NCAM2: variants seen among roughly 807,000 people sequenced by gnomAD.
NCAM2 encodes N-CAM-2.
Under a neutral mutation model 98.1 loss-of-function variants are expected in NCAM2, and 30 were observed. That is an observed-to-expected ratio of 0.31 (90% CI 0.23 to 0.41). The LOEUF is 0.41. Ranked by LOEUF, NCAM2 falls within the 10% of genes least tolerant of loss-of-function variation. The probability of loss-of-function intolerance (pLI) is 1.00; values close to 1 mark genes in which losing one functional copy is unlikely to be tolerated. For missense variants in NCAM2, 867 were observed against 1,005.8 expected (o/e 0.86, Z 1.87); for synonymous variants, 368 against 342.4 (o/e 1.07, Z -0.83).
chr21:21,127,581 A>G (rs995722356), intron 1 of NCAM2, among the ~76,000 whole-genome samples: 2 of 152,002 alleles, frequency 1.3e-5, no homozygotes, highest in Admixed American at 6.6e-5. Flanking sequence ...TAATATTTTT[A>G]TACTCATTAA....
intron 6 of NCAM2, 140 bp from the exon 7 acceptor site, chr21:21,335,365 T>C (rs1470116097): frequency 1.9e-6 from 1 of 537,092 alleles, no homozygotes; most frequent in African/African-American, 2.0e-5. Context: ...ACTAAAAATA[T>C]ACTTTTGATT....
At chr21:21,216,377 A>AT (rs1483671216) in intron 1 of NCAM2, among the ~76,000 whole-genome samples, 8 of 152,162 alleles carry the variant, frequency 5.3e-5, no homozygotes, top group Admixed American at 2.0e-4. Flanking sequence ...AATTAATCAC[A>AT]TTTTTTCTTC....
At chr21:21,330,373 C>T (rs1275089951) in intron 6 of NCAM2, among the ~76,000 whole-genome samples, 1 of 151,874 alleles carries the variant, frequency 6.6e-6, no homozygotes, top group Admixed American at 6.6e-5. Flanking sequence ...TTTTAATTCT[C>T]ATGTTATTTT....
intron 9 of NCAM2, among the ~76,000 whole-genome samples, chr21:21,405,984 CTT>C (rs1174559652): frequency 6.6e-6 from 1 of 152,152 alleles, no homozygotes; most frequent in Non-Finnish European, 1.5e-5. Context: ...CCCACTATCT[CTT>C]ATTACTGATG....
chr21:21,135,658 A>G (rs1188038225), intron 1 of NCAM2, among the ~76,000 whole-genome samples: 4 of 152,080 alleles, frequency 2.6e-5, no homozygotes, highest in African/African-American at 7.2e-5. Flanking sequence ...TACTCTCACT[A>G]TCTCCACTAT....
At chr21:21,199,226 A>G (rs374751166) in intron 1 of NCAM2, among the ~76,000 whole-genome samples, 1 of 152,172 alleles carries the variant, frequency 6.6e-6, no homozygotes, top group South Asian at 2.1e-4. Context: ...TCATTGCAAA[A>G]TGTTTCCAAT....
intron 1 of NCAM2, among the ~76,000 whole-genome samples, chr21:21,207,987 CTG>C (rs1368042983): frequency 4.6e-5 from 7 of 152,104 alleles, no homozygotes; most frequent in African/African-American, 1.4e-4. Flanking sequence ...ACAGGTATGA[CTG>C]TCATTCTTCC....
chr21:21,286,206 A>T, intron 3 of NCAM2, 63 bp from the exon 4 acceptor site: 2 of 1,466,822 alleles, frequency 1.4e-6, no homozygotes. Context: ...TGTTATTGGG[A>T]GAAATAAGCA....
At chr21:21,373,049 G>C (rs1358916610) in intron 8 of NCAM2, among the ~76,000 whole-genome samples, 1 of 151,708 alleles carries the variant, frequency 6.6e-6, no homozygotes, top group Admixed American at 6.6e-5. Flanking sequence ...TTAAGTACAA[G>C]TGCTTAACTC....
Position 21,477,225 on chromosome 21 carries a change from T to A in NCAM2, c.1897-66T>A, listed in dbSNP as rs1270515544. On this transcript the variant is annotated intron_variant, in intron 14 of 17. Coordinates refer to ENST00000400546, the MANE Select transcript of NCAM2 (RefSeq NM_004540.5). ...GTATATTGTTCCAATTCCAATATAA[T>A]TTTTTTAAAAAGGTGTCACTTTAGT... The A allele has an allele frequency of 4.0e-6, 5 of 1,263,706 alleles. No homozygotes were observed. The African/African-American group carries it at 7.6e-5, about 19-fold the overall frequency. The allele number at this position is 1,263,706 out of a possible 1,614,324, so 78.3% of individuals were successfully genotyped here.
At chr21:21,339,998 A>G (rs2074980241) in intron 8 of NCAM2, among the ~76,000 whole-genome samples, 1 of 151,858 alleles carries the variant, frequency 6.6e-6, no homozygotes, top group Non-Finnish European at 1.5e-5. Context: ...TAAAAGTTAT[A>G]GTTTGCTTTA....
At chr21:21,412,895 A>C (rs1396937040) in intron 10 of NCAM2, among the ~76,000 whole-genome samples, 1 of 152,292 alleles carries the variant, frequency 6.6e-6, no homozygotes, top group East Asian at 1.9e-4. Context: ...ACTTTTGTTT[A>C]GTAATTATTG....
At chr21:21,099,304 G>T (rs1268652703) in intron 1 of NCAM2, among the ~76,000 whole-genome samples, 1 of 151,786 alleles carries the variant, frequency 6.6e-6, no homozygotes, top group Non-Finnish European at 1.5e-5. Context: ...CTACACTAAA[G>T]GTACAAATAA....
At position 21,286,365 on chromosome 21, in the gene NCAM2, C is replaced by T. The variant is rs748510401; in HGVS notation, c.434C>T (p.Ala145Val). ...CGAGTTAGCAGTTCACCTGCACCTGCTGTCAGCTGGTTGTATCATAATGAG... is the reference window on the plus strand; with the variant it reads ...CGAGTTAGCAGTTCACCTGCACCTGTTGTCAGCTGGTTGTATCATAATGAG... ...VCRVSSSPAP[A>V]VSWLYHNEEV... The change falls in exon 4 of 18, where the codon GCT (alanine) becomes GTT (valine). Residue 145 changes from alanine to valine, a missense_variant. By Grantham distance (64) the Ala-to-Val change is moderately conservative. Coordinates refer to ENST00000400546, the MANE Select transcript of NCAM2 (RefSeq NM_004540.5). The T allele has an allele frequency of 4.0e-5, 64 of 1,612,348 alleles. No individual in the cohort carries two copies. The highest frequency in any genetic ancestry group is 5.4e-5 in the Non-Finnish European group (64 of 1,179,014).
chr21:21,222,123 G>T (rs538508737), intron 1 of NCAM2, among the ~76,000 whole-genome samples: 21 of 152,108 alleles, frequency 1.4e-4, no homozygotes, highest in Non-Finnish European at 2.4e-4. Flanking sequence ...AATATTTTAA[G>T]CCTACAGTTG....
chr21:21,169,933 T>G (rs1196272897), intron 1 of NCAM2, among the ~76,000 whole-genome samples: 15 of 152,042 alleles, frequency 9.9e-5, no homozygotes, highest in Admixed American at 9.8e-4. Flanking sequence ...CACTGAAGCC[T>G]GGGTGAGAGT....
intron 11 of NCAM2, among the ~76,000 whole-genome samples, chr21:21,428,932 C>T (rs2077270977): frequency 6.6e-6 from 1 of 152,116 alleles, no homozygotes; most frequent in African/African-American, 2.4e-5. Context: ...ATGTATCTAT[C>T]TGTATGCATG....
At chr21:21,200,990 CTTT>C (rs2069198668) in intron 1 of NCAM2, among the ~76,000 whole-genome samples, 1 of 151,882 alleles carries the variant, frequency 6.6e-6, no homozygotes, top group Admixed American at 6.6e-5. Context: ...TTGGAGAATA[CTTT>C]TTTATGATTT....
chr21:21,466,656 G>A lies in NCAM2; in HGVS notation c.1705G>A (p.Val569Ile). 2 of 1,609,672 alleles carry A rather than the reference G, an allele frequency of 1.2e-6. No homozygotes were observed. Among genetic ancestry groups the A allele is most frequent in the Middle Eastern group, 1.7e-4 (1 of 6,044 alleles). The change falls in exon 13 of 18, where the codon GTT (valine) becomes ATT (isoleucine). Residue 569 changes from valine to isoleucine, a missense_variant. Around this residue, in one of 5 missense-constraint regions of NCAM2, gnomAD observed 234 missense variants for 333.8 expected, o/e 0.70. Coordinates refer to ENST00000400546, the MANE Select transcript of NCAM2 (RefSeq NM_004540.5). ...LEPNTTYEIR[V>I]AAVNGKGQGD... ...ACCAAATACAACTTATGAAATCAGG[G>A]TTGCAGCTGTAAATGGAAAGGGACA...
Sources: allele counts gnomAD v4.1 joint callset (sites outside exome capture counted in the v4.1 genomes callset), GRCh38; gene constraint gnomAD v4.1.1; regional missense constraint gnomAD v4.1.1; transcripts MANE v1.5; gene names NCBI Gene and HGNC (gene_info 2026-07-23, HGNC 2026-07-21).